SEC22C: variants seen among roughly 807,000 people sequenced by gnomAD.
SEC22C encodes vesicle-trafficking protein SEC22c.
SEC22C carries 29 observed loss-of-function variants against 34.7 expected under a neutral mutation model. The ratio of observed to expected loss-of-function variants is 0.84; its 90% confidence interval spans 0.62 to 1.14. SEC22C has a LOEUF of 1.14. SEC22C is among the 50% of genes most tolerant of loss of function. The pLI is 0.00. For missense variants in SEC22C, 337 were observed against 369.0 expected (o/e 0.91, Z 0.71); for synonymous variants, 117 against 132.8 (o/e 0.88, Z 0.82).
intron 5 of SEC22C, 123 bp from the exon 6 acceptor site, chr3:42,556,118 G>A (rs1702512676): frequency 4.3e-6 from 3 of 703,310 alleles, no homozygotes; most frequent in Non-Finnish European, 7.3e-6. Context: ...CTGGCTGGGT[G>A]AGACACAAGT....
chr3:42,599,583 T>G (rs1483023577), intron 1 of SEC22C, among the ~76,000 whole-genome samples: 1 of 150,226 alleles, frequency 6.7e-6, no homozygotes, highest in African/African-American at 2.4e-5. Context: ...TCCCAGCTAC[T>G]TGGGAGGCTG....
At chr3:42,596,162 C>T (rs987915457) in intron 1 of SEC22C, among the ~76,000 whole-genome samples, 2 of 152,038 alleles carry the variant, frequency 1.3e-5, no homozygotes, top group Non-Finnish European at 2.9e-5. Flanking sequence ...GCTGGGATTA[C>T]AGGCATGTGG....
At chr3:42,567,729 G>C (rs1007073709) in intron 2 of SEC22C, among the ~76,000 whole-genome samples, 5 of 152,074 alleles carry the variant, frequency 3.3e-5, no homozygotes, top group African/African-American at 1.2e-4. Flanking sequence ...TGAGAAAAGA[G>C]ACCTACTCTC....
intron 2 of SEC22C, among the ~76,000 whole-genome samples, chr3:42,564,855 T>G (rs931935983): frequency 6.6e-6 from 1 of 152,168 alleles, no homozygotes; most frequent in Non-Finnish European, 1.5e-5. Context: ...CCTCCCAGGC[T>G]CAAGCCATCC....
intron 1 of SEC22C, among the ~76,000 whole-genome samples, chr3:42,595,940 A>T (rs942150404): frequency 6.6e-6 from 1 of 152,202 alleles, no homozygotes; most frequent in Non-Finnish European, 1.5e-5. Context: ...AACTGGGCAC[A>T]TGTTAATCTA....
chr3:42,576,887 A>G (rs1704000062), intron 1 of SEC22C, among the ~76,000 whole-genome samples: 1 of 152,176 alleles, frequency 6.6e-6, no homozygotes, highest in Non-Finnish European at 1.5e-5. Context: ...CTTATTATAT[A>G]GCTATAGTAA....
rs570259996 is a variant in SEC22C, at chr3:42,561,031, T to C, written c.526+86A>G. ...TATACTACTCCCTCTCCCCAAAAAA[T>C]AGCTTTCTAGTGAAAAAAAAAATCA... is the stretch of plus-strand genomic sequence containing the variant. On this transcript the variant is annotated intron_variant, in intron 4 of 6. Coordinates refer to ENST00000264454, the MANE Select transcript of SEC22C (RefSeq NM_032970.4). 235 of 1,389,046 alleles carry C rather than the reference T, an allele frequency of 1.7e-4. No individual in the cohort carries two copies. In the African/African-American group the frequency reaches 2.2e-3, roughly 13 times the overall value. 86.0% of individuals were successfully genotyped at this position (1,389,046 alleles called of 1,614,324 possible).
intron 1 of SEC22C, chr3:42,581,469 AG>A (rs1455862525): frequency 6.6e-6 from 1 of 152,282 alleles, no homozygotes; most frequent in Admixed American, 6.5e-5. Context: ...GGGCATGCTA[AG>A]GGAAGTTTGC....
chr3:42,568,896 C>T lies in SEC22C; in HGVS notation c.151G>A (p.Gly51Ser), dbSNP rs772467990. Residue 51 changes from glycine to serine, a missense_variant, in exon 2 of 7, where the codon GGT becomes AGT. Physicochemically the swap from Gly to Ser is moderately conservative, Grantham distance 56. Transcript: ENST00000264454. The stretch of plus-strand genomic sequence containing the variant: ...CTAAAGTCACAACCTTCTGCAGAAC[C>T]TCGACCTGGATACTGGGCCAGTCGC... ...ALRLAQYPGRGSAEGCDFSIH... is the reference protein window; with the variant it reads ...ALRLAQYPGRSSAEGCDFSIH... The T allele has an allele frequency of 3.1e-6, 5 of 1,614,038 alleles. No homozygotes were observed. The Admixed American group carries it at 8.3e-5, about 27-fold the overall frequency.
At chr3:42,598,576 G>A (rs1473364168) in intron 1 of SEC22C, among the ~76,000 whole-genome samples, 3 of 151,776 alleles carry the variant, frequency 2.0e-5, no homozygotes, top group African/African-American at 4.9e-5. Flanking sequence ...TGATCCACCC[G>A]CCTCAGCCTC....
At chr3:42,556,763 G>A (rs760203819) in intron 5 of SEC22C, among the ~76,000 whole-genome samples, 31 of 151,784 alleles carry the variant, frequency 2.0e-4, no homozygotes, top group African/African-American at 3.4e-4. Flanking sequence ...TGCTTTTGTC[G>A]CCCAGGCTAG....
Position 42,552,777 on chromosome 3 carries a change from G to C in SEC22C, c.*471C>G. 2 of 983,438 alleles carry C rather than the reference G, an allele frequency of 2.0e-6. No homozygotes were observed. The highest frequency in any genetic ancestry group is 2.4e-6 in the Non-Finnish European group (2 of 828,390). The allele number at this position is 983,438 out of a possible 1,614,324, so 60.9% of individuals were successfully genotyped here. A position where few individuals can be genotyped will look rare whatever the true frequency, so the allele number is the denominator to read the frequency against. The stretch of plus-strand genomic sequence containing the variant: ...CTTACATTTATGAACCATATTTTTA[G>C]GTTTTTAATTCATCCTGTACTGACC... On this transcript the variant is annotated 3_prime_UTR_variant, in exon 7 of 7. Transcript: ENST00000264454.
intron 1 of SEC22C, among the ~76,000 whole-genome samples, chr3:42,599,821 C>T (rs1311932635): frequency 6.6e-6 from 1 of 152,096 alleles, no homozygotes; most frequent in African/African-American, 2.4e-5. Context: ...TAGACTTACA[C>T]GTTAAAGACT....
rs565677954 is a variant in SEC22C, at chr3:42,581,922, G to C, written c.-104C>G. The C allele has an allele frequency of 1.3e-5, 2 of 152,356 alleles. No homozygotes were observed. The highest frequency in any genetic ancestry group is 3.9e-4 in the East Asian group (2 of 5,182). The allele number at this position is 152,356 out of a possible 1,614,324, so 9.4% of individuals were successfully genotyped here. ...CTCCTCAGCAATCTTAGCCGACCGG[G>C]AGGGCTCGGCCCAGGTCACCGGCAG... On this transcript the variant is annotated 5_prime_UTR_variant, in exon 1 of 7. Transcript: ENST00000264454.
intron 1 of SEC22C, among the ~76,000 whole-genome samples, chr3:42,591,831 A>G (rs1704858926): frequency 6.6e-6 from 1 of 152,190 alleles, no homozygotes; most frequent in Non-Finnish European, 1.5e-5. Context: ...AATTATTCTC[A>G]CTGCAAAGCC....
At chr3:42,600,489 A>G (rs1396723104) in intron 1 of SEC22C, 3 of 151,838 alleles carry the variant, frequency 2.0e-5, no homozygotes, top group Non-Finnish European at 2.9e-5. Flanking sequence ...CAAACAGGGA[A>G]CGCGCAGGTA....
chr3:42,564,062 C>T (rs1703089568), intron 2 of SEC22C: 2 of 681,140 alleles, frequency 2.9e-6, no homozygotes, highest in Non-Finnish European at 4.2e-6. Flanking sequence ...TAAAATAAGC[C>T]CTTGTTGGAT....
At chr3:42,560,013 G>A (rs1304931219) in intron 4 of SEC22C, among the ~76,000 whole-genome samples, 8 of 151,182 alleles carry the variant, frequency 5.3e-5, no homozygotes, top group Non-Finnish European at 8.8e-5. Context: ...CCTGTCCAAC[G>A]CTCTCATCCC....
At position 42,549,084 on chromosome 3, in the gene SEC22C, C is replaced by T; in HGVS notation, c.*4164G>A. 2 of 998,688 alleles carry T rather than the reference C, an allele frequency of 2.0e-6. No homozygotes were observed. Among genetic ancestry groups the T allele is most frequent in the Non-Finnish European group, 2.4e-6 (2 of 836,754 alleles). 61.9% of individuals were successfully genotyped at this position (998,688 alleles called of 1,614,324 possible). A position where few individuals can be genotyped will look rare whatever the true frequency, so the allele number is the denominator to read the frequency against. On this transcript the variant is annotated 3_prime_UTR_variant, in exon 7 of 7. Transcript: ENST00000264454. ...AGCTGACGGTCAGCTGACTGGTGCACTCTTTCCCTCACCTTCTCTCTCAAG... is the reference window on the plus strand; with the variant it reads ...AGCTGACGGTCAGCTGACTGGTGCATTCTTTCCCTCACCTTCTCTCTCAAG...
Sources: gnomAD v4.1 joint callset for allele counts (sites outside exome capture counted in the v4.1 genomes callset) on GRCh38, gnomAD v4.1.1 for gene constraint, MANE v1.5 for transcripts, NCBI Gene and HGNC (gene_info 2026-07-23, HGNC 2026-07-21) for gene names.